Variants in PPP3CA observed in about 807,000 individuals in gnomAD.
PPP3CA encodes CAM-PRP catalytic subunit.
Under a neutral mutation model 66.5 loss-of-function variants are expected in PPP3CA, and 14 were observed. The ratio of observed to expected loss-of-function variants is 0.21; its 90% confidence interval spans 0.14 to 0.33. PPP3CA has a LOEUF of 0.33. Among genes scored for constraint, PPP3CA ranks in the 10% least tolerant of loss-of-function variants. The pLI, the probability that PPP3CA is intolerant of heterozygous loss-of-function variation, is 1.00. For missense variants in PPP3CA, 317 were observed against 639.5 expected, an observed-to-expected ratio of 0.50 and a Z score of 5.44; for synonymous variants, 232 against 226.2, an observed-to-expected ratio of 1.03 and a Z score of -0.23.
chr4:101,052,136 A>C (rs1169009938), intron 10 of PPP3CA, among the ~76,000 whole-genome samples: 1 of 152,094 alleles, frequency 6.6e-6, no homozygotes, highest in Non-Finnish European at 1.5e-5. Context: ...CAATATGAAG[A>C]AAAGGCAGTA....
intron 1 of PPP3CA, among the ~76,000 whole-genome samples, chr4:101,208,109 T>C (rs947575484): frequency 1.3e-5 from 2 of 152,170 alleles, no homozygotes; most frequent in African/African-American, 4.8e-5. Flanking sequence ...TATTTTATTA[T>C]CACATAATTT....
rs557526328 is a variant in PPP3CA at position 101,334,435 on chromosome 4, C to T, written c.58+12304G>A. Reference sequence around the variant, plus strand: ...AAGTGTGAGCCACCGCGCCCAACCCCCGAGTGACAATTTCAAAGAGGCATG... The same window carrying T: ...AAGTGTGAGCCACCGCGCCCAACCCTCGAGTGACAATTTCAAAGAGGCATG... On this transcript the variant is annotated intron_variant, in intron 1 of 13. Transcript: ENST00000394854. 1.3e-4 allele frequency among the ~76,000 whole-genome samples: 20 copies of T among 151,980 alleles called. 1 individual carries two copies. Among genetic ancestry groups the T allele is most frequent in the African/African-American group, 4.8e-4 (20 of 41,436 alleles).
At chr4:101,092,056 G>A (rs1729976651) in intron 6 of PPP3CA, among the ~76,000 whole-genome samples, 1 of 152,010 alleles carries the variant, frequency 6.6e-6, no homozygotes, top group African/African-American at 2.4e-5. Flanking sequence ...AAACTGAGGT[G>A]ACACGATAGG....
intron 11 of PPP3CA, among the ~76,000 whole-genome samples, chr4:101,039,021 A>T (rs1727387543): frequency 9.4e-6 from 1 of 106,118 alleles, no homozygotes; most frequent in African/African-American, 3.2e-5. Context: ...AAATAAAAGC[A>T]TTATTGGTAA....
intron 1 of PPP3CA, among the ~76,000 whole-genome samples, chr4:101,245,254 A>G (rs562988063): frequency 1.3e-5 from 2 of 152,284 alleles, no homozygotes; most frequent in South Asian, 2.1e-4. Flanking sequence ...TTAATTCGCC[A>G]TCTTCTCCCA....
intron 3 of PPP3CA, among the ~76,000 whole-genome samples, chr4:101,106,465 GAAAAGAAAAGA>G (rs1730745246): frequency 4.7e-5 from 2 of 42,146 alleles, no homozygotes; most frequent in African/African-American, 4.2e-4. Flanking sequence ...GAAAAGAAAA[GAAAAGAAAAGA>G]AAAGAAAAGA....
chr4:101,163,325 G>C (rs1723580409), intron 2 of PPP3CA, among the ~76,000 whole-genome samples: 1 of 152,118 alleles, frequency 6.6e-6, no homozygotes, highest in Non-Finnish European at 1.5e-5. Context: ...TTTTCAGTGT[G>C]AAATATCTGG....
chr4:101,253,853 C>T (rs1353282606), intron 1 of PPP3CA, among the ~76,000 whole-genome samples: 1 of 151,720 alleles, frequency 6.6e-6, no homozygotes, highest in Non-Finnish European at 1.5e-5. Flanking sequence ...TTACGATGCT[C>T]CTTAGAAAAG....
chr4:101,113,132 AGT>A (rs1435909272), intron 2 of PPP3CA, among the ~76,000 whole-genome samples: 2 of 152,142 alleles, frequency 1.3e-5, no homozygotes, highest in African/African-American at 4.8e-5. Context: ...GTTTCAATAC[AGT>A]GTGCAGCAAG....
rs1455427345 is a variant in PPP3CA, at chr4:101,023,631, G to A, written c.*2234C>T. The A allele has an allele frequency of 6.6e-6, 1 of 152,454 alleles. No individual in the cohort carries two copies. The highest frequency in any genetic ancestry group is 1.5e-5 in the Non-Finnish European group (1 of 68,016). The allele number at this position is 152,454 out of a possible 1,614,324, so 9.4% of individuals were successfully genotyped here. ...TAAGTTGCATCTAAATATTTTCCTTGGTTGCCACTTTTTTTAGGATGGAGA... is the reference window on the plus strand; with the variant it reads ...TAAGTTGCATCTAAATATTTTCCTTAGTTGCCACTTTTTTTAGGATGGAGA... On this transcript the variant is annotated 3_prime_UTR_variant, in exon 14 of 14. Transcript: ENST00000394854.
At chr4:101,076,414 C>T (rs564275616) in intron 8 of PPP3CA, among the ~76,000 whole-genome samples, 10 of 151,732 alleles carry the variant, frequency 6.6e-5, no homozygotes, top group African/African-American at 2.4e-4. Flanking sequence ...ATGTGTCAAA[C>T]TAATTATAAC....
chr4:101,148,311 T>C (rs1165832605), intron 2 of PPP3CA, among the ~76,000 whole-genome samples: 1 of 152,138 alleles, frequency 6.6e-6, no homozygotes. Context: ...AATTTAAGTA[T>C]TCCCATTAAA....
At chr4:101,281,619 T>C (rs1221703575) in intron 1 of PPP3CA, among the ~76,000 whole-genome samples, 2 of 152,226 alleles carry the variant, frequency 1.3e-5, no homozygotes, top group Non-Finnish European at 2.9e-5. Flanking sequence ...TCTTAAGTTA[T>C]TTAGGCTATG....
At chr4:101,184,682 T>C (rs1724352425) in intron 2 of PPP3CA, among the ~76,000 whole-genome samples, 1 of 152,282 alleles carries the variant, frequency 6.6e-6, no homozygotes, top group African/African-American at 2.4e-5. Flanking sequence ...ACACTATGTA[T>C]CTACTAGACA....
intron 1 of PPP3CA, among the ~76,000 whole-genome samples, chr4:101,241,818 C>T (rs977933785): frequency 6.6e-6 from 1 of 152,080 alleles, no homozygotes; most frequent in African/African-American, 2.4e-5. Flanking sequence ...AGTGACCATG[C>T]TTTTAAACTA....
At chr4:101,243,029 G>C (rs1216160581) in intron 1 of PPP3CA, among the ~76,000 whole-genome samples, 2 of 152,174 alleles carry the variant, frequency 1.3e-5, no homozygotes, top group African/African-American at 4.8e-5. Flanking sequence ...GAACAGAAAG[G>C]TTGATGATGA....
rs1453056959 is a variant in PPP3CA, at chr4:101,157,754, C to CT, written c.259+38161dup. ...CTTTTTTTCTTCTGCTCTTTTAAAG[C>CT]TGCAAGACTGAGGTACTCTAATTCC... is the stretch of plus-strand genomic sequence containing the variant. On this transcript the variant is annotated intron_variant, in intron 2 of 13. Transcript: ENST00000394854. 5.0e-4 allele frequency among the ~76,000 whole-genome samples: 76 copies of CT among 151,346 alleles called. 1 individual carries two copies.
intron 1 of PPP3CA, among the ~76,000 whole-genome samples, chr4:101,268,363 GA>G (rs1727232903): frequency 1.3e-5 from 2 of 152,134 alleles, no homozygotes; most frequent in South Asian, 4.1e-4. Context: ...ACATCTCAGT[GA>G]TTACATTCTT....
At chr4:101,211,621 T>C (rs1468220437) in intron 1 of PPP3CA, among the ~76,000 whole-genome samples, 1 of 152,158 alleles carries the variant, frequency 6.6e-6, no homozygotes, top group African/African-American at 2.4e-5. Context: ...TTTGATGAGT[T>C]GATCCAGAGA....
Sources: allele counts gnomAD v4.1 joint callset (sites outside exome capture counted in the v4.1 genomes callset), GRCh38; gene constraint gnomAD v4.1.1; transcripts MANE v1.5; gene names NCBI Gene and HGNC (gene_info 2026-07-23, HGNC 2026-07-21).